Variants in PCDH9 observed in about 807,000 individuals in gnomAD.
The protein encoded by PCDH9 is protocadherin 9, also known as protocadherin-9.
A neutral mutation model predicts 70.6 loss-of-function variants in PCDH9; 24 were observed. That is an observed-to-expected ratio of 0.34 (90% confidence interval 0.25 to 0.48). PCDH9 has a LOEUF of 0.48. Ranked by LOEUF, PCDH9 falls within the 20% of genes least tolerant of loss-of-function variation. The pLI is 0.99. For synonymous variants in PCDH9, 562 were observed against 558.5 expected, an observed-to-expected ratio of 1.01 and a Z score of -0.09; for missense variants, 1,281 against 1,503.6, an observed-to-expected ratio of 0.85 and a Z score of 2.45.
At chr13:66,406,244 C>T (rs565602464) in intron 4 of PCDH9, among the ~76,000 whole-genome samples, 1 of 152,156 alleles carries the variant, frequency 6.6e-6, no homozygotes, top group Non-Finnish European at 1.5e-5. Flanking sequence ...TTTGTTCTGA[C>T]AAGTAGCAGC....
intron 3 of PCDH9, among the ~76,000 whole-genome samples, chr13:66,641,136 G>C (rs1024528247): frequency 5.9e-5 from 9 of 152,144 alleles, no homozygotes; most frequent in African/African-American, 1.4e-4. Flanking sequence ...GAGTTAAGAA[G>C]CTCCTTCCAG....
chr13:66,600,028 T>C (rs1236459732), intron 4 of PCDH9, among the ~76,000 whole-genome samples: 1 of 151,870 alleles, frequency 6.6e-6, no homozygotes, highest in Non-Finnish European at 1.5e-5. Flanking sequence ...TTTGAGACCA[T>C]ATTTCATTGA....
At chr13:66,395,599 A>AAAAT (rs71205585) in intron 4 of PCDH9, among the ~76,000 whole-genome samples, 13,042 of 150,852 alleles carry the variant, frequency 0.086, 639 homozygotes, top group African/African-American at 0.13. Context: ...ACTCTGTCTC[A>AAAAT]AAATAAATAA....
At chr13:66,582,225 A>T (rs191742380) in intron 4 of PCDH9, among the ~76,000 whole-genome samples, 1 of 152,192 alleles carries the variant, frequency 6.6e-6, no homozygotes, top group Admixed American at 6.5e-5. Context: ...AGAATAGATT[A>T]TGTCTTTACT....
intron 4 of PCDH9, among the ~76,000 whole-genome samples, chr13:66,568,193 A>G (rs2076679717): frequency 6.6e-6 from 1 of 152,114 alleles, no homozygotes. Context: ...CTTTTTATCT[A>G]CCATGTGAGG....
chr13:67,025,366 T>C (rs1451543588), intron 2 of PCDH9, among the ~76,000 whole-genome samples: 1 of 152,160 alleles, frequency 6.6e-6, no homozygotes, highest in African/African-American at 2.4e-5. Flanking sequence ...GAAAAATGAA[T>C]ATGAATGTGT....
At chr13:67,014,234 A>G (rs564187856) in intron 2 of PCDH9, among the ~76,000 whole-genome samples, 1 of 152,224 alleles carries the variant, frequency 6.6e-6, no homozygotes, top group East Asian at 1.9e-4. Context: ...GAGCCTGGCC[A>G]GTAAGTAAGA....
chr13:66,592,438 A>C (rs958389303), intron 4 of PCDH9, among the ~76,000 whole-genome samples: 1 of 151,752 alleles, frequency 6.6e-6, no homozygotes, highest in African/African-American at 2.4e-5. Context: ...AGTACTACTG[A>C]AATTTGATAT....
rs113842043 is a variant in PCDH9, at chr13:66,704,480, T to C, written c.3139-73069A>G. 8.0e-4 allele frequency among the ~76,000 whole-genome samples: 122 copies of C among 152,320 alleles called. 1 individual carries two copies. The highest frequency in any genetic ancestry group is 2.8e-3 in the African/African-American group (118 of 41,566). On this transcript the variant is annotated intron_variant, in intron 3 of 4. Coordinates refer to ENST00000377865, the MANE Select transcript of PCDH9 (RefSeq NM_203487.3). ...CTAAATAAAAGCAAATTTAGTTGGA[T>C]TTATTCATTCCTAAACTTAAAATGA... is the stretch of plus-strand genomic sequence containing the variant.
At chr13:66,507,747 T>G (rs1959254543) in intron 4 of PCDH9, among the ~76,000 whole-genome samples, 1 of 152,040 alleles carries the variant, frequency 6.6e-6, no homozygotes, top group Non-Finnish European at 1.5e-5. Context: ...TTTGAGATGG[T>G]GTCTTGCTCT....
chr13:67,059,370 GTA>G (rs71110625), intron 2 of PCDH9, among the ~76,000 whole-genome samples: 93 of 140,880 alleles, frequency 6.6e-4, no homozygotes, highest in Non-Finnish European at 7.9e-4. Context: ...TATATAGTGT[GTA>G]TATATATATA....
At chr13:67,049,890 A>G (rs1048157895) in intron 2 of PCDH9, among the ~76,000 whole-genome samples, 1 of 152,216 alleles carries the variant, frequency 6.6e-6, no homozygotes, top group African/African-American at 2.4e-5. Flanking sequence ...GCAGATAGAC[A>G]ACAAGACAAG....
rs187904919 is a variant in PCDH9, at chr13:66,915,911, G to A, written c.3037-12306C>T. Among the ~76,000 whole-genome samples, 203 of 151,590 alleles carry A rather than the reference G, an allele frequency of 1.3e-3. 1 individual carries two copies. The highest frequency in any genetic ancestry group is 1.7e-3 in the South Asian group (8 of 4,822). On this transcript the variant is annotated intron_variant, in intron 2 of 4. Transcript: ENST00000377865. ...ACAGAAACTGTGAGCTTGGAAACAGGGCTTGAAAATTGTGCTTGCAAGTAA... is the reference window on the plus strand; with the variant it reads ...ACAGAAACTGTGAGCTTGGAAACAGAGCTTGAAAATTGTGCTTGCAAGTAA...
At chr13:66,537,310 G>A (rs1960748329) in intron 4 of PCDH9, among the ~76,000 whole-genome samples, 1 of 152,056 alleles carries the variant, frequency 6.6e-6, no homozygotes, top group Non-Finnish European at 1.5e-5. Context: ...CTGGATTGAA[G>A]TGAACCTGAA....
intron 2 of PCDH9, among the ~76,000 whole-genome samples, chr13:66,980,719 T>G (rs1303478075): frequency 9.9e-5 from 13 of 131,208 alleles, no homozygotes; most frequent in African/African-American, 4.2e-4. Flanking sequence ...TTTTTTCCTG[T>G]TTTTTTCTTT....
intron 3 of PCDH9, among the ~76,000 whole-genome samples, chr13:66,871,344 T>C (rs1237520448): frequency 1.1e-4 from 16 of 151,438 alleles, no homozygotes; most frequent in Non-Finnish European, 8.8e-5. Flanking sequence ...CATATGTAAA[T>C]AACCTGCACA....
intron 2 of PCDH9, among the ~76,000 whole-genome samples, chr13:67,042,573 TTC>T (rs1247010387): frequency 6.6e-6 from 1 of 152,218 alleles, no homozygotes. Flanking sequence ...AAGCAGTTAA[TTC>T]TCTGAAATTT....
chr13:66,745,622 G>T (rs2079349680), intron 3 of PCDH9, among the ~76,000 whole-genome samples: 1 of 152,142 alleles, frequency 6.6e-6, no homozygotes, highest in African/African-American at 2.4e-5. Flanking sequence ...CACTCACATG[G>T]CTGTGTTTAG....
chr13:67,141,208 G>A (rs17082163), intron 2 of PCDH9, among the ~76,000 whole-genome samples: 1 of 152,160 alleles, frequency 6.6e-6, no homozygotes, highest in African/African-American at 2.4e-5. Context: ...ATGCAATACA[G>A]TGGGCTAAGT....
Sources: allele counts gnomAD v4.1 joint callset (sites outside exome capture counted in the v4.1 genomes callset), GRCh38; gene constraint gnomAD v4.1.1; transcripts MANE v1.5; gene names NCBI Gene and HGNC (gene_info 2026-07-23, HGNC 2026-07-21).